Variants in CHST11 observed in about 807,000 individuals in gnomAD.
CHST11 encodes the protein C4S-1.
In CHST11, 9 loss-of-function variants were observed where a neutral mutation model predicts 30.4. The observed-to-expected ratio is 0.30, with a 90% CI of 0.18 to 0.52. CHST11 has a LOEUF of 0.52. Among genes scored for constraint, CHST11 ranks in the 20% least tolerant of loss-of-function variants. CHST11 has a pLI of 0.97. For missense variants in CHST11, 348 were observed against 460.6 expected (o/e 0.76, Z 2.24); for synonymous variants, 152 against 187.8 (o/e 0.81, Z 1.56).
chr12:104,625,854 C>G (rs563479293), intron 2 of CHST11, among the ~76,000 whole-genome samples: 1 of 152,290 alleles, frequency 6.6e-6, no homozygotes, highest in African/African-American at 2.4e-5. Context: ...AATTTGAACC[C>G]TGCTAATTTA....
At chr12:104,550,210 G>C (rs2038392490) in intron 1 of CHST11, among the ~76,000 whole-genome samples, 1 of 152,172 alleles carries the variant, frequency 6.6e-6, no homozygotes, top group Non-Finnish European at 1.5e-5. Flanking sequence ...GAGTAGCTTG[G>C]TTCTTTGTTG....
chr12:104,536,170 A>T (rs1222966778), intron 1 of CHST11, among the ~76,000 whole-genome samples: 1 of 152,170 alleles, frequency 6.6e-6, no homozygotes, highest in Non-Finnish European at 1.5e-5. Context: ...TATCTTCGGG[A>T]TGAGGGCTCG....
intron 2 of CHST11, among the ~76,000 whole-genome samples, chr12:104,696,211 T>C (rs1465893735): frequency 6.6e-6 from 1 of 152,064 alleles, no homozygotes; most frequent in African/African-American, 2.4e-5. Context: ...TTTTGTCTAC[T>C]TGGGAAATTT....
At chr12:104,569,710 G>T (rs1339772243) in intron 1 of CHST11, among the ~76,000 whole-genome samples, 2 of 152,154 alleles carry the variant, frequency 1.3e-5, no homozygotes, top group Non-Finnish European at 2.9e-5. Flanking sequence ...CTTCTCCATT[G>T]ATCTGCCCAG....
chr12:104,704,399 G>A (rs532835372), intron 2 of CHST11, among the ~76,000 whole-genome samples: 11 of 152,272 alleles, frequency 7.2e-5, no homozygotes, highest in South Asian at 2.1e-4. Flanking sequence ...TGCGGGAGCC[G>A]GGCAGCAGCC....
At chr12:104,522,905 G>C (rs1404443094) in intron 1 of CHST11, among the ~76,000 whole-genome samples, 1 of 152,162 alleles carries the variant, frequency 6.6e-6, no homozygotes, top group Admixed American at 6.5e-5. Context: ...TGGTGGTATG[G>C]TATAGAGACT....
chr12:104,505,404 G>A (rs972387398), intron 1 of CHST11, among the ~76,000 whole-genome samples: 5 of 152,094 alleles, frequency 3.3e-5, no homozygotes, highest in African/African-American at 7.2e-5. Flanking sequence ...TATTCTAGAC[G>A]AACGTTTCTC....
chr12:104,740,916 T>A (rs142513897), intron 2 of CHST11, among the ~76,000 whole-genome samples: 243 of 152,368 alleles, frequency 1.6e-3, no homozygotes, highest in Middle Eastern at 6.8e-3. Context: ...GGTCTTCCTG[T>A]TCCACTTTCA....
rs1205174607 is a variant in CHST11 at position 104,497,909 on chromosome 12, CTTTTTTTTTTTTTT to C, written c.118+40392_118+40405del. ...TGTGCTGAGTATCTTCCTGCCCCCT[CTTTTTTTTTTTTTT>C]TTTTTTTTTTTGAGACAGAGTCTCA... On this transcript the variant is annotated intron_variant, in intron 1 of 2. Transcript: ENST00000303694. Among the ~76,000 whole-genome samples the C allele has an allele frequency of 5.3e-5, 4 of 75,702 alleles. No individual in the cohort carries two copies. In the South Asian group the frequency reaches 1.6e-3, roughly 30 times the overall value. 49.7% of individuals were successfully genotyped at this position (75,702 alleles called of 152,430 possible). A position where few individuals can be genotyped will look rare whatever the true frequency, so the allele number is the denominator to read the frequency against.
At chr12:104,479,824 T>G (rs1158604678) in intron 1 of CHST11, among the ~76,000 whole-genome samples, 2 of 152,200 alleles carry the variant, frequency 1.3e-5, no homozygotes, top group Admixed American at 1.3e-4. Flanking sequence ...GGACATATTT[T>G]TCTCATGTAT....
intron 1 of CHST11, among the ~76,000 whole-genome samples, chr12:104,540,235 C>CT (rs1357240359): frequency 6.6e-6 from 1 of 151,972 alleles, no homozygotes; most frequent in Non-Finnish European, 1.5e-5. Flanking sequence ...AATATGGAGG[C>CT]TGATTGTACA....
At chr12:104,717,354 T>C (rs973687841) in intron 2 of CHST11, among the ~76,000 whole-genome samples, 2 of 152,190 alleles carry the variant, frequency 1.3e-5, no homozygotes, top group African/African-American at 4.8e-5. Flanking sequence ...GGGAAAGGAC[T>C]TAGACCAGCG....
At chr12:104,727,446 T>C (rs2040225109) in intron 2 of CHST11, among the ~76,000 whole-genome samples, 1 of 152,214 alleles carries the variant, frequency 6.6e-6, no homozygotes, top group Non-Finnish European at 1.5e-5. Flanking sequence ...ACTGTGGCTA[T>C]GGGGCCAGCA....
At chr12:104,718,055 C>T (rs1003409698) in intron 2 of CHST11, among the ~76,000 whole-genome samples, 4 of 152,202 alleles carry the variant, frequency 2.6e-5, no homozygotes, top group African/African-American at 9.7e-5. Flanking sequence ...CACGTGCCAG[C>T]GTTGGTTGCA....
intron 2 of CHST11, among the ~76,000 whole-genome samples, chr12:104,611,859 T>C (rs2039062816): frequency 6.6e-6 from 1 of 152,204 alleles, no homozygotes; most frequent in Non-Finnish European, 1.5e-5. Context: ...TAAGACGTTA[T>C]GTGACTAGTG....
rs556163702 is a variant in CHST11 at position 104,460,470 on chromosome 12, C to T, written c.118+2941C>T. On this transcript the variant is annotated intron_variant, in intron 1 of 2. Transcript: ENST00000303694. The stretch of plus-strand genomic sequence containing the variant: ...CTTGAGCTCAGGAGTTCGAGACCAG[C>T]CTGGCCAACATGGCGAAACCACATC... 2.6e-5 allele frequency among the ~76,000 whole-genome samples: 4 copies of T among 152,090 alleles called. 1 individual carries two copies. In the South Asian group the frequency reaches 8.3e-4, roughly 32 times the overall value.
intron 1 of CHST11, among the ~76,000 whole-genome samples, chr12:104,476,280 A>G (rs1288073549): frequency 6.7e-6 from 1 of 150,148 alleles, no homozygotes; most frequent in Admixed American, 6.7e-5. Flanking sequence ...GTACACATGT[A>G]GTATATACAC....
intron 1 of CHST11, among the ~76,000 whole-genome samples, chr12:104,574,858 T>TA (rs934711272): frequency 2.0e-5 from 3 of 148,044 alleles, no homozygotes; most frequent in African/African-American, 5.0e-5. Flanking sequence ...AAAGTATAAT[T>TA]AAAAAAAAAG....
chr12:104,736,040 A>G (rs2040297790), intron 2 of CHST11, among the ~76,000 whole-genome samples: 1 of 152,168 alleles, frequency 6.6e-6, no homozygotes, highest in African/African-American at 2.4e-5. Flanking sequence ...CTGGGCAGAC[A>G]GCAGTGCCAT....
Sources: allele counts gnomAD v4.1 joint callset (sites outside exome capture counted in the v4.1 genomes callset), GRCh38; gene constraint gnomAD v4.1.1; transcripts MANE v1.5; gene names NCBI Gene and HGNC (gene_info 2026-07-23, HGNC 2026-07-21).